The following GLT1D1 variants were observed in gnomAD, a reference collection of about 807,000 sequenced individuals.
GLT1D1 encodes the protein glycosyltransferase 1 domain containing 1.
GLT1D1 carries 21 observed loss-of-function variants against 28.7 expected under a neutral mutation model. That is an observed-to-expected ratio of 0.73 (90% CI 0.52 to 1.05). GLT1D1 has a LOEUF of 1.05. Among genes scored for constraint, GLT1D1 ranks in the 50% least tolerant of loss-of-function variants. The pLI is 0.00. For synonymous variants in GLT1D1, 147 were observed against 124.8 expected (o/e 1.18, Z -1.19); for missense variants, 343 against 330.6 (o/e 1.04, Z -0.29).
chr12:128,967,358 T>C (rs572927110), intron 7 of GLT1D1, among the ~76,000 whole-genome samples: 7 of 152,234 alleles, frequency 4.6e-5, no homozygotes, highest in Non-Finnish European at 1.0e-4. Context: ...CAAACTTTCA[T>C]TCAGGCAGGG....
At position 128,934,939 on chromosome 12, in the gene GLT1D1, C is replaced by A. The variant is rs139934148; in HGVS notation, c.376-10387C>A. On this transcript the variant is annotated intron_variant, in intron 4 of 7. Transcript: ENST00000281703. Reference sequence around the variant, plus strand: ...GTCCAGGTCAGGGTCCTGGAAGTCTCTGTCATTCTCTTCAAGGACGGGGTC... The same window carrying A: ...GTCCAGGTCAGGGTCCTGGAAGTCTATGTCATTCTCTTCAAGGACGGGGTC... 6.6e-5 allele frequency among the ~76,000 whole-genome samples: 10 copies of A among 152,068 alleles called. No individual in the cohort carries two copies. The East Asian group carries it at 1.7e-3, about 27-fold the overall frequency.
chr12:128,958,796 G>A (rs1287560331), intron 7 of GLT1D1, among the ~76,000 whole-genome samples: 2 of 130,516 alleles, frequency 1.5e-5, no homozygotes, highest in Admixed American at 7.8e-5. Flanking sequence ...TTGTCACTAC[G>A]TATGCCTCTT....
chr12:128,886,913 GTC>G (rs1868449867), intron 2 of GLT1D1, among the ~76,000 whole-genome samples: 1 of 152,094 alleles, frequency 6.6e-6, no homozygotes, highest in South Asian at 2.1e-4. Context: ...GCGTTTCTAT[GTC>G]TCTCTGTGTT....
chr12:128,918,709 G>A (rs1386265411), intron 4 of GLT1D1, among the ~76,000 whole-genome samples: 1 of 152,162 alleles, frequency 6.6e-6, no homozygotes, highest in Admixed American at 6.5e-5. Flanking sequence ...TATTCAGAAC[G>A]AGTGGGCCCA....
At chr12:128,919,974 T>C (rs1038478179) in intron 4 of GLT1D1, among the ~76,000 whole-genome samples, 9 of 61,230 alleles carry the variant, frequency 1.5e-4, no homozygotes, top group Admixed American at 2.8e-4. Context: ...TCTCTCTCTC[T>C]CTCTCTCTCT....
At chr12:128,867,852 G>A (rs1956586453) in intron 1 of GLT1D1, among the ~76,000 whole-genome samples, 2 of 152,216 alleles carry the variant, frequency 1.3e-5, no homozygotes, top group South Asian at 4.1e-4. Flanking sequence ...CGAGGGGGCA[G>A]AGGTCAATGG....
intron 4 of GLT1D1, among the ~76,000 whole-genome samples, chr12:128,940,746 G>T (rs946015134): frequency 1.1e-4 from 16 of 152,182 alleles, no homozygotes; most frequent in African/African-American, 3.4e-4. Context: ...CGGGACTGGA[G>T]GATGTTAGGT....
In GLT1D1 at chr12:128,903,148, C is replaced by T; in HGVS notation, c.375+3861C>T. The stretch of plus-strand genomic sequence containing the variant: ...CTCCACCATAAATCCTTCCTTGACC[C>T]TCCAGAATTGGCATAGATGAGTTCC... On this transcript the variant is annotated intron_variant, in intron 4 of 7. Transcript: ENST00000281703. Among the ~76,000 whole-genome samples the T allele has an allele frequency of 1.3e-5, 2 of 151,766 alleles. 1 individual carries two copies. Among genetic ancestry groups the T allele is most frequent in the African/African-American group, 4.9e-5 (2 of 41,096 alleles).
At chr12:128,906,808 A>C in intron 4 of GLT1D1, 1 of 636,082 alleles carries the variant, frequency 1.6e-6, no homozygotes, top group Non-Finnish European at 2.9e-6. Flanking sequence ...TGTGAAAGAA[A>C]AGTAACTTCT....
chr12:128,923,687 A>G (rs1002639498), intron 4 of GLT1D1, among the ~76,000 whole-genome samples: 1 of 151,874 alleles, frequency 6.6e-6, no homozygotes, highest in Non-Finnish European at 1.5e-5. Flanking sequence ...ACAGCCAGCT[A>G]ATTTTTGTAT....
At chr12:128,910,696 T>G (rs1219012602) in intron 4 of GLT1D1, among the ~76,000 whole-genome samples, 1 of 151,790 alleles carries the variant, frequency 6.6e-6, no homozygotes, top group East Asian at 1.9e-4. Flanking sequence ...TTTTTTTTTT[T>G]CATTAAAGTT....
intron 7 of GLT1D1, among the ~76,000 whole-genome samples, chr12:128,969,562 C>T (rs571140658): frequency 3.9e-5 from 6 of 152,284 alleles, no homozygotes; most frequent in Admixed American, 2.6e-4. Flanking sequence ...GGCCAGGACG[C>T]GGGTGAGCCA....
chr12:128,853,592 T>C lies in GLT1D1; in HGVS notation c.11T>C (p.Leu4Pro). 1 of 1,155,960 alleles carries C rather than the reference T, an allele frequency of 8.7e-7. No individual in the cohort carries two copies. The highest frequency in any genetic ancestry group is 2.5e-5 in the South Asian group (1 of 39,684). The allele number at this position is 1,155,960 out of a possible 1,614,324, so 71.6% of individuals were successfully genotyped here. The change falls in exon 1 of 8, where the codon CTG (leucine) becomes CCG (proline). Residue 4 changes from leucine to proline, a missense_variant. By Grantham distance (98) the Leu-to-Pro change is moderately conservative (BLOSUM62 -3). Coordinates refer to ENST00000281703, the MANE Select transcript of GLT1D1 (RefSeq NM_144669.3). Reference sequence around the variant, plus strand: ...GGCGGCGGCGGCGGCATGCGGCTCCTGTTCCTGGCGGTGCTGCGGCCACAC... The same window carrying C: ...GGCGGCGGCGGCGGCATGCGGCTCCCGTTCCTGGCGGTGCTGCGGCCACAC...
chr12:128,981,892 C>A (rs534308589), intron 7 of GLT1D1, among the ~76,000 whole-genome samples: 49 of 152,258 alleles, frequency 3.2e-4, no homozygotes, highest in African/African-American at 1.1e-3. Context: ...CTGCCGCTCA[C>A]GTGAAGGGTA....
chr12:128,871,778 C>G (rs979372812), intron 1 of GLT1D1, among the ~76,000 whole-genome samples: 1 of 151,936 alleles, frequency 6.6e-6, no homozygotes, highest in Admixed American at 6.6e-5. Flanking sequence ...AATATTGCTC[C>G]TAAATGCACA....
intron 7 of GLT1D1, among the ~76,000 whole-genome samples, chr12:128,981,181 TCTCTCTTGCTTTATTTA>T (rs1375209550): frequency 2.0e-5 from 3 of 152,216 alleles, no homozygotes; most frequent in African/African-American, 7.2e-5. Context: ...ATAACCCCCC[TCTCTCTTGCTTTATTTA>T]AGTCTATGTT....
chr12:128,869,192 G>A (rs1304794230), intron 1 of GLT1D1, among the ~76,000 whole-genome samples: 1 of 151,590 alleles, frequency 6.6e-6, no homozygotes, highest in Non-Finnish European at 1.5e-5. Flanking sequence ...TCTTTGACAG[G>A]GTCTCACTCG....
At chr12:128,860,137 C>T (rs916653572) in intron 1 of GLT1D1, among the ~76,000 whole-genome samples, 8 of 152,210 alleles carry the variant, frequency 5.3e-5, no homozygotes, top group Non-Finnish European at 8.8e-5. Flanking sequence ...TAGCAACCCA[C>T]GTCAGAAGAT....
At chr12:128,911,119 A>T (rs1014085101) in intron 4 of GLT1D1, among the ~76,000 whole-genome samples, 1 of 152,166 alleles carries the variant, frequency 6.6e-6, no homozygotes, top group Non-Finnish European at 1.5e-5. Context: ...TAGTAGAGAC[A>T]GGGTTTCACC....
Sources: allele counts gnomAD v4.1 joint callset (sites outside exome capture counted in the v4.1 genomes callset), GRCh38; gene constraint gnomAD v4.1.1; transcripts MANE v1.5; gene names NCBI Gene and HGNC (gene_info 2026-07-23, HGNC 2026-07-21).